The following BIN3 variants were observed in gnomAD, a reference collection of about 807,000 sequenced individuals.
BIN3 encodes the protein bridging integrator 3.
A neutral mutation model predicts 38.2 loss-of-function variants in BIN3; 41 were observed. That is an observed-to-expected ratio of 1.07 (90% CI 0.84 to 1.39). BIN3 has a LOEUF of 1.39. Among genes scored for constraint, BIN3 ranks in the 40% most tolerant of loss-of-function variants. BIN3 has a pLI of 0.00. For synonymous variants in BIN3, 145 were observed against 122.6 expected (o/e 1.18, Z -1.21); for missense variants, 361 against 324.3 (o/e 1.11, Z -0.87).
chr8:22,654,548 C>T (rs1802999815), intron 1 of BIN3, among the ~76,000 whole-genome samples: 1 of 152,226 alleles, frequency 6.6e-6, no homozygotes, highest in South Asian at 2.1e-4. Flanking sequence ...TTTGCCTTTT[C>T]TGGACATTGC....
rs539825784 is a variant in BIN3, at chr8:22,630,086, G to A, written c.298-82C>T. 3.2e-5 allele frequency: 45 copies of A among 1,391,942 alleles called. 1 individual carries two copies. The South Asian group carries it at 3.4e-4, about 11-fold the overall frequency. The allele number at this position is 1,391,942 out of a possible 1,614,324, so 86.2% of individuals were successfully genotyped here. ...AAGGCAGGGCCCCTAACTACCAAAG[G>A]GCTAGGAAGTCTAAAGGGCCACAGG... On this transcript the variant is annotated intron_variant, in intron 5 of 8. Transcript: ENST00000276416.
chr8:22,643,332 C>T (rs569781141), intron 2 of BIN3, among the ~76,000 whole-genome samples: 1 of 138,134 alleles, frequency 7.2e-6, no homozygotes, highest in African/African-American at 2.5e-5. Flanking sequence ...GCCCCACCCC[C>T]CAACTTTTTT....
At chr8:22,637,411 C>T (rs554268587) in intron 2 of BIN3, among the ~76,000 whole-genome samples, 14 of 152,320 alleles carry the variant, frequency 9.2e-5, no homozygotes, top group African/African-American at 2.6e-4. Context: ...TCCCCTCCTA[C>T]GCGGCCCTCC....
In BIN3 at chr8:22,669,061, C is replaced by T. The variant is rs771259475; in HGVS notation, c.-10G>A. Reference sequence around the variant, plus strand: ...TCACTCACCAGCTCATGGTCCCGAACCTGCGTCTGCCGCCGGGGTCCTCAG... The same window carrying T: ...TCACTCACCAGCTCATGGTCCCGAATCTGCGTCTGCCGCCGGGGTCCTCAG... On this transcript the variant is annotated 5_prime_UTR_variant, in exon 1 of 9. Transcript: ENST00000276416. 3.8e-6 allele frequency: 6 copies of T among 1,591,490 alleles called. No homozygotes were observed. Among genetic ancestry groups the T allele is most frequent in the Admixed American group, 1.8e-5 (1 of 56,988 alleles).
chr8:22,640,047 A>C (rs938186400), intron 2 of BIN3, among the ~76,000 whole-genome samples: 7 of 150,782 alleles, frequency 4.6e-5, no homozygotes, highest in Non-Finnish European at 8.9e-5. Flanking sequence ...TTTTTAGTAG[A>C]GACAGGGTTT....
chr8:22,660,938 G>A (rs1279759484), intron 1 of BIN3, among the ~76,000 whole-genome samples: 1 of 152,294 alleles, frequency 6.6e-6, no homozygotes, highest in East Asian at 1.9e-4. Flanking sequence ...AGGCTGAGGT[G>A]CAGTGGTGTG....
intron 4 of BIN3, among the ~76,000 whole-genome samples, chr8:22,635,315 G>A (rs77486104): frequency 0.088 from 13,386 of 152,094 alleles, 642 homozygotes; most frequent in Middle Eastern, 0.11. Flanking sequence ...CTCCTAGAAC[G>A]TAAGCTCCCA....
At chr8:22,644,565 G>T (rs1013043309) in intron 2 of BIN3, 190 bp downstream of exon 2, 3 of 577,776 alleles carry the variant, frequency 5.2e-6, no homozygotes, top group Non-Finnish European at 9.4e-6. Flanking sequence ...CTTTCCTAGG[G>T]GAAGTGTCCC....
intron 6 of BIN3, chr8:22,625,523 G>A (rs908387189): frequency 3.0e-6 from 2 of 663,088 alleles, no homozygotes; most frequent in African/African-American, 1.8e-5. Context: ...CAGACTCACT[G>A]TCAGGTTCCA....
Position 22,621,303 on chromosome 8 carries a change from C to A in BIN3, c.*119G>T. Reference sequence around the variant, plus strand: ...GGAAGAGTCATTCATTGCAAAGGGCCGGCAAGTGAACCAGGGCCACCTCTG... The same window carrying A: ...GGAAGAGTCATTCATTGCAAAGGGCAGGCAAGTGAACCAGGGCCACCTCTG... On this transcript the variant is annotated 3_prime_UTR_variant, in exon 9 of 9. Transcript: ENST00000276416. 7.4e-7 allele frequency: 1 copy of A among 1,347,438 alleles called. No individual in the cohort carries two copies. The highest frequency in any genetic ancestry group is 1.5e-5 in the South Asian group (1 of 68,926). 83.5% of individuals were successfully genotyped at this position (1,347,438 alleles called of 1,614,324 possible).
intron 1 of BIN3, among the ~76,000 whole-genome samples, chr8:22,651,625 C>T (rs1262854791): frequency 6.6e-6 from 1 of 152,214 alleles, no homozygotes; most frequent in Non-Finnish European, 1.5e-5. Context: ...AAAGGCATTG[C>T]TCCCCTGTCT....
At chr8:22,654,652 T>A (rs1201198298) in intron 1 of BIN3, among the ~76,000 whole-genome samples, 7 of 152,250 alleles carry the variant, frequency 4.6e-5, no homozygotes, top group African/African-American at 1.4e-4. Context: ...ATAGCATATA[T>A]CAGTACTTCA....
intron 1 of BIN3, among the ~76,000 whole-genome samples, chr8:22,649,850 C>CACACAA: frequency 1.7e-5 from 2 of 120,610 alleles, no homozygotes; most frequent in Non-Finnish European, 1.8e-5. Context: ...CACACACACA[C>CACACAA]ACACACACCC....
intron 1 of BIN3, among the ~76,000 whole-genome samples, chr8:22,664,338 A>T: frequency 6.6e-6 from 1 of 152,236 alleles, no homozygotes; most frequent in Non-Finnish European, 1.5e-5. Flanking sequence ...CACATACAGA[A>T]TCTCACAGAC....
intron 6 of BIN3, among the ~76,000 whole-genome samples, chr8:22,628,867 T>A (rs1290969370): frequency 6.6e-6 from 1 of 152,100 alleles, no homozygotes; most frequent in Non-Finnish European, 1.5e-5. Context: ...GCCACGGAGC[T>A]CTTTCTGCAC....
chr8:22,668,446 G>C (rs1465564175), intron 1 of BIN3, among the ~76,000 whole-genome samples: 2 of 152,226 alleles, frequency 1.3e-5, no homozygotes, highest in African/African-American at 4.8e-5. Context: ...CCTATTTAGA[G>C]GGCAGGCAGT....
Position 22,632,481 on chromosome 8 carries a change from C to T in BIN3, c.161-1903G>A, listed in dbSNP as rs987572550. On this transcript the variant is annotated intron_variant, in intron 4 of 8. Transcript: ENST00000276416. Reference sequence around the variant, plus strand: ...AATGTTGAAGCAACGGAGGGAAAAACACCTCTTAAATTCTGTGGAGTGACT... The same window carrying T: ...AATGTTGAAGCAACGGAGGGAAAAATACCTCTTAAATTCTGTGGAGTGACT... Among the ~76,000 whole-genome samples the T allele has an allele frequency of 3.3e-5, 5 of 152,200 alleles. No homozygotes were observed. In the South Asian group the frequency reaches 6.2e-4, roughly 19 times the overall value.
Position 22,629,985 on chromosome 8 carries a change from G to A in BIN3, c.317C>T (p.Thr106Ile), listed in dbSNP as rs781082662. 2 of 1,609,766 alleles carry A rather than the reference G, an allele frequency of 1.2e-6. No individual in the cohort carries two copies. Among genetic ancestry groups the A allele is most frequent in the Admixed American group, 3.4e-5 (2 of 59,460 alleles). ...TCACTTTTTTAAGGGCTCGATCACA[G>A]TCTTCTGGATCTGGTTCACCTGTCA... ...NQEKVNQIQK[T>I]VIEPLKKFGS... Residue 106 changes from threonine (T) to isoleucine (I), a missense_variant, in exon 6 of 9, where the codon ACT becomes ATT. Coordinates refer to ENST00000276416, the MANE Select transcript of BIN3 (RefSeq NM_018688.6).
At chr8:22,652,553 C>CT (rs1263134018) in intron 1 of BIN3, among the ~76,000 whole-genome samples, 4 of 152,224 alleles carry the variant, frequency 2.6e-5, no homozygotes, top group African/African-American at 9.6e-5. Flanking sequence ...CCTTGGCACT[C>CT]TGAGGGTGTG....
Sources: gnomAD v4.1 joint callset for allele counts (sites outside exome capture counted in the v4.1 genomes callset) on GRCh38, gnomAD v4.1.1 for gene constraint, MANE v1.5 for transcripts, NCBI Gene and HGNC (gene_info 2026-07-23, HGNC 2026-07-21) for gene names.